PLSCR1: variants seen among roughly 807,000 people sequenced by gnomAD.
PLSCR1 encodes phospholipid scramblase 1.
PLSCR1 carries 17 observed loss-of-function variants against 37.8 expected under a neutral mutation model. The observed-to-expected ratio is 0.45, with a 90% CI of 0.31 to 0.68. PLSCR1 has a LOEUF of 0.68. Among genes scored for constraint, PLSCR1 ranks in the 30% least tolerant of loss-of-function variants. The pLI, the probability that PLSCR1 is intolerant of heterozygous loss-of-function variation, is 0.06. For synonymous variants in PLSCR1, 116 were observed against 125.9 expected, an observed-to-expected ratio of 0.92 and a Z score of 0.53; for missense variants, 347 against 380.9, an observed-to-expected ratio of 0.91 and a Z score of 0.74.
rs79551579 is a variant in PLSCR1 at position 146,533,505 on chromosome 3, C to T, written c.59G>A (p.Gly20Glu). The T allele has an allele frequency of 6.2e-7, 1 of 1,607,652 alleles. No homozygotes were observed. The highest frequency in any genetic ancestry group is 8.5e-7 in the Non-Finnish European group (1 of 1,175,560). ...TGTCGGTGGATACTGAGGAGGATAC[C>T]CAACTGGCAAGTTTGTTTCCGGGTG... ...ASHPETNLPV[G>E]YPPQYPPTAF... The change falls in exon 3 of 9, where the codon GGG becomes GAG. Residue 20 changes from glycine to glutamate, a missense_variant. Gly to Glu is a moderately conservative substitution (Grantham distance 98, BLOSUM62 -2). Coordinates refer to ENST00000342435, the MANE Select transcript of PLSCR1 (RefSeq NM_021105.3).
At chr3:146,534,855 G>A (rs1425340302) in intron 2 of PLSCR1, among the ~76,000 whole-genome samples, 5 of 152,178 alleles carry the variant, frequency 3.3e-5, no homozygotes, top group East Asian at 1.9e-4. Context: ...CAGCCTGGGC[G>A]ACAGAGCGAG....
intron 3 of PLSCR1, among the ~76,000 whole-genome samples, chr3:146,530,790 T>C (rs2044186555): frequency 6.6e-6 from 1 of 151,726 alleles, no homozygotes; most frequent in Admixed American, 6.6e-5. Flanking sequence ...TAGTAAGGAG[T>C]CTGGATTTGG....
chr3:146,532,310 G>C (rs2044209753), intron 3 of PLSCR1, among the ~76,000 whole-genome samples: 1 of 152,294 alleles, frequency 6.6e-6, no homozygotes, highest in African/African-American at 2.4e-5. Context: ...AACCCTATAA[G>C]AATTTAGAGC....
At chr3:146,525,829 A>G (rs530720312) in intron 4 of PLSCR1, among the ~76,000 whole-genome samples, 182 bp from the exon 5 acceptor site, 6 of 152,270 alleles carry the variant, frequency 3.9e-5, no homozygotes, top group African/African-American at 1.4e-4. Flanking sequence ...TAAAATATTT[A>G]TTGTGTTCAT....
chr3:146,526,040 G>A (rs964974248), intron 4 of PLSCR1, among the ~76,000 whole-genome samples: 1 of 151,498 alleles, frequency 6.6e-6, no homozygotes. Context: ...AAAATGAGCT[G>A]GGTGTGGTGG....
At chr3:146,518,875 T>C (rs113860952) in intron 7 of PLSCR1, among the ~76,000 whole-genome samples, 1 of 152,186 alleles carries the variant, frequency 6.6e-6, no homozygotes, top group Non-Finnish European at 1.5e-5. Context: ...TATTGTATAA[T>C]GTTAAACTTT....
intron 4 of PLSCR1, 112 bp from the exon 5 acceptor site, chr3:146,525,759 C>T: frequency 1.9e-6 from 1 of 516,962 alleles, no homozygotes; most frequent in Non-Finnish European, 3.5e-6. Context: ...AACCAATTAT[C>T]AATATTTAAC....
chr3:146,536,786 ATGG>A (rs1384108102), intron 1 of PLSCR1: 3 of 458,684 alleles, frequency 6.5e-6, no homozygotes, highest in African/African-American at 5.8e-5. Flanking sequence ...TCAGCTCATG[ATGG>A]TGAACACATT....
chr3:146,539,874 C>T (rs1882971), intron 1 of PLSCR1, among the ~76,000 whole-genome samples: 41,273 of 152,026 alleles, frequency 0.27, 5,825 homozygotes, highest in African/African-American at 0.32. Flanking sequence ...GTACATGTGC[C>T]AAGTAGATAA....
At chr3:146,516,971 G>A (rs1479640856) in intron 8 of PLSCR1, 35 bp downstream of exon 8, 2 of 1,287,430 alleles carry the variant, frequency 1.6e-6, no homozygotes, top group Admixed American at 5.0e-5. Flanking sequence ...CCTAGAGAAA[G>A]CATCTATAAT....
intron 3 of PLSCR1, among the ~76,000 whole-genome samples, chr3:146,529,230 CT>C (rs2044161719): frequency 6.6e-6 from 1 of 152,128 alleles, no homozygotes; most frequent in African/African-American, 2.4e-5. Flanking sequence ...GCCAAAGTAT[CT>C]TGTGAAAAAT....
chr3:146,521,655 A>T lies in PLSCR1; in HGVS notation c.627T>A (p.Thr209=). The stretch of plus-strand genomic sequence containing the variant: ...TAAACTTTGGTAGACATGGGTGCCA[A>T]GTCTGAATAACATAACCTATTGGTA... The part of the protein sequence containing the change: ...PGVPIGYVIQ[T]WHPCLPKFTI... Residue 209 remains threonine, a synonymous_variant, in exon 7 of 9, where the codon ACT becomes ACA. Coordinates refer to ENST00000342435, the MANE Select transcript of PLSCR1 (RefSeq NM_021105.3). The T allele has an allele frequency of 6.2e-7, 1 of 1,613,162 alleles. No homozygotes were observed. Among genetic ancestry groups the T allele is most frequent in the Non-Finnish European group, 8.5e-7 (1 of 1,179,146 alleles).
At chr3:146,543,285 T>C (rs759351848) in intron 1 of PLSCR1, among the ~76,000 whole-genome samples, 1 of 152,226 alleles carries the variant, frequency 6.6e-6, no homozygotes, top group Non-Finnish European at 1.5e-5. Flanking sequence ...TAAGCTCCTT[T>C]ACAGATCTAA....
chr3:146,517,160 G>C lies in PLSCR1; in HGVS notation c.746C>G (p.Ser249Cys). The change falls in exon 8 of 9, where the codon TCT (serine) becomes TGT (cysteine). Residue 249 changes from serine to cysteine, a missense_variant. Ser to Cys is a moderately radical substitution (Grantham distance 112). Transcript: ENST00000342435. ...GCCAACCACACACTGTTCATCAAGA[G>C]ATTTAATCTAAATTGAAAAAAAAAA... ...CCGDVDFEIK[S>C]LDEQCVVGKI... 1 of 1,483,514 alleles carries C rather than the reference G, an allele frequency of 6.7e-7. No homozygotes were observed. The allele number at this position is 1,483,514 out of a possible 1,614,324, so 91.9% of individuals were successfully genotyped here. A position where few individuals can be genotyped will look rare whatever the true frequency, so the allele number is the denominator to read the frequency against.
chr3:146,525,357 A>G (rs1382423135), intron 5 of PLSCR1, among the ~76,000 whole-genome samples: 1 of 152,214 alleles, frequency 6.6e-6, no homozygotes, highest in Non-Finnish European at 1.5e-5. Context: ...GAGGAGCAAA[A>G]TAAGGGTTTT....
chr3:146,519,260 A>G (rs1447963751), intron 7 of PLSCR1, among the ~76,000 whole-genome samples: 2 of 152,146 alleles, frequency 1.3e-5, no homozygotes, highest in Non-Finnish European at 2.9e-5. Flanking sequence ...CTTTTTAAAA[A>G]CATATTTATT....
intron 5 of PLSCR1, among the ~76,000 whole-genome samples, chr3:146,523,919 T>A (rs2044068867): frequency 6.6e-6 from 1 of 152,206 alleles, no homozygotes; most frequent in Non-Finnish European, 1.5e-5. Context: ...GCTAAAATAA[T>A]GAGTGATTAA....
At chr3:146,532,870 T>C (rs1009348142) in intron 3 of PLSCR1, among the ~76,000 whole-genome samples, 1 of 152,230 alleles carries the variant, frequency 6.6e-6, no homozygotes, top group Non-Finnish European at 1.5e-5. Context: ...ATTATGTATG[T>C]AGTCAAATGA....
At chr3:146,522,827 A>G (rs1038378744) in intron 5 of PLSCR1, among the ~76,000 whole-genome samples, 4 of 152,234 alleles carry the variant, frequency 2.6e-5, no homozygotes, top group Admixed American at 2.0e-4. Flanking sequence ...CTACTGAGAT[A>G]GGGGAAAACT....
Sources: allele counts gnomAD v4.1 joint callset (sites outside exome capture counted in the v4.1 genomes callset), GRCh38; gene constraint gnomAD v4.1.1; transcripts MANE v1.5; gene names NCBI Gene and HGNC (gene_info 2026-07-23, HGNC 2026-07-21).